Variants in UGT2A1 observed in about 807,000 individuals in gnomAD.
UGT2A1 encodes the protein UDP-glucuronosyltransferase 2A1.
UGT2A1 carries 61 observed loss-of-function variants against 45.4 expected under a neutral mutation model. The ratio of observed to expected loss-of-function variants is 1.34; its 90% confidence interval spans 1.09 to 1.66. The LOEUF is 1.66. Among genes scored for constraint, UGT2A1 ranks in the 40% most tolerant of loss-of-function variants. The pLI is 0.00. For missense variants in UGT2A1, 649 were observed against 574.3 expected (o/e 1.13, Z -1.33); for synonymous variants, 229 against 196.2 (o/e 1.17, Z -1.40).
At chr4:69,599,438 T>G (rs773567924) in intron 3 of UGT2A1, 44 bp from the exon 4 acceptor site, 3 of 1,597,806 alleles carry the variant, frequency 1.9e-6, no homozygotes, top group Non-Finnish European at 2.6e-6. Flanking sequence ...TTAGCTTATA[T>G]GTTTGCTGAG....
chr4:69,645,728 A>G (rs1457247894), intron 2 of UGT2A1, among the ~76,000 whole-genome samples: 1 of 151,786 alleles, frequency 6.6e-6, no homozygotes, highest in Non-Finnish European at 1.5e-5. Flanking sequence ...ATTAGATTAA[A>G]ATGTTTTTAG....
At chr4:69,625,813 T>C (rs184280193) in intron 3 of UGT2A1, among the ~76,000 whole-genome samples, 1 of 151,598 alleles carries the variant, frequency 6.6e-6, no homozygotes, top group East Asian at 1.9e-4. Context: ...TAAACAAATA[T>C]TAAAATTAAT....
intron 3 of UGT2A1, among the ~76,000 whole-genome samples, chr4:69,601,066 C>T (rs539382709): frequency 1.6e-3 from 250 of 152,176 alleles, no homozygotes; most frequent in African/African-American, 5.8e-3. Context: ...ATCCAGTTAC[C>T]TGATGCTAGT....
chr4:69,650,451 C>A (rs1187304725), intron 1 of UGT2A1, among the ~76,000 whole-genome samples: 1 of 151,854 alleles, frequency 6.6e-6, no homozygotes, highest in Non-Finnish European at 1.5e-5. Flanking sequence ...CCAAAGAATC[C>A]TAGCTTCACA....
intron 6 of UGT2A1, among the ~76,000 whole-genome samples, chr4:69,591,214 C>T (rs1260448061): frequency 6.6e-6 from 1 of 152,102 alleles, no homozygotes; most frequent in African/African-American, 2.4e-5. Flanking sequence ...TGATAAAGCC[C>T]TCAGGAAGTC....
chr4:69,624,081 C>T (rs567393808), intron 3 of UGT2A1, among the ~76,000 whole-genome samples: 94 of 151,374 alleles, frequency 6.2e-4, no homozygotes, highest in Admixed American at 1.1e-3. Context: ...GAGAGAGGAC[C>T]ATCATAATCT....
chr4:69,618,709 A>C (rs1448675162), intron 3 of UGT2A1, among the ~76,000 whole-genome samples: 17 of 152,008 alleles, frequency 1.1e-4, no homozygotes, highest in Admixed American at 1.1e-3. Flanking sequence ...TTCTAAGTTC[A>C]ATCAATTCTA....
intron 3 of UGT2A1, among the ~76,000 whole-genome samples, chr4:69,626,839 C>T (rs1721087973): frequency 6.6e-6 from 1 of 151,640 alleles, no homozygotes; most frequent in Non-Finnish European, 1.5e-5. Flanking sequence ...TTTTGCTTCT[C>T]AAATTGTCCC....
chr4:69,651,773 T>G (rs886287883), intron 1 of UGT2A1, among the ~76,000 whole-genome samples: 2 of 152,142 alleles, frequency 1.3e-5, no homozygotes, highest in Non-Finnish European at 2.9e-5. Context: ...AATGTTGAAG[T>G]GTGACCATCC....
chr4:69,647,702 T>C lies in UGT2A1; in HGVS notation c.-54-4A>G. 1 of 1,249,238 alleles carries C rather than the reference T, an allele frequency of 8.0e-7. No individual in the cohort carries two copies. The highest frequency in any genetic ancestry group is 1.1e-6 in the Non-Finnish European group (1 of 923,840). 77.4% of individuals were successfully genotyped at this position (1,249,238 alleles called of 1,614,324 possible). A position where few individuals can be genotyped will look rare whatever the true frequency, so the allele number is the denominator to read the frequency against. On this transcript the variant is annotated splice_polypyrimidine_tract_variant and splice_region_variant and intron_variant, in intron 1 of 6. Transcript: ENST00000286604. ...GTGAAGCAAATGTTTTTCTCTGCTTTTAAAGAAAAAAAGGAAAGACAAAAT... is the reference window on the plus strand; with the variant it reads ...GTGAAGCAAATGTTTTTCTCTGCTTCTAAAGAAAAAAAGGAAAGACAAAAT...
At position 69,606,041 on chromosome 4, in the gene UGT2A1, G is replaced by A. The variant is rs1719589640; in HGVS notation, c.848-6647C>T. Among the ~76,000 whole-genome samples the A allele has an allele frequency of 1.5e-5, 2 of 136,686 alleles. 1 individual carries two copies. Among genetic ancestry groups the A allele is most frequent in the Non-Finnish European group, 3.1e-5 (2 of 64,282 alleles). The allele number at this position is 136,686 out of a possible 152,430, so 89.7% of individuals were successfully genotyped here. A position where few individuals can be genotyped will look rare whatever the true frequency, so the allele number is the denominator to read the frequency against. On this transcript the variant is annotated intron_variant, in intron 3 of 6. Transcript: ENST00000286604. ...CCTTCTGAAACTATTCCAAGCAATA[G>A]AAAAAGAGGGAATCCTCCTTAAATC...
At chr4:69,644,930 T>C (rs4148283) in intron 2 of UGT2A1, among the ~76,000 whole-genome samples, 6,509 of 151,910 alleles carry the variant, frequency 0.043, 156 homozygotes, top group Middle Eastern at 0.072. Flanking sequence ...CAGAGATCTG[T>C]AGAAAAGAAG....
chr4:69,617,510 C>T (rs1400232718), intron 3 of UGT2A1, among the ~76,000 whole-genome samples: 1 of 151,832 alleles, frequency 6.6e-6, no homozygotes, highest in Non-Finnish European at 1.5e-5. Flanking sequence ...ACACACACAA[C>T]ATATTTAATA....
chr4:69,628,685 A>T (rs1721223730), intron 3 of UGT2A1, among the ~76,000 whole-genome samples: 1 of 150,148 alleles, frequency 6.7e-6, no homozygotes, highest in South Asian at 2.1e-4. Context: ...AAATGGGAGA[A>T]AAAAATAAAA....
intron 6 of UGT2A1, among the ~76,000 whole-genome samples, chr4:69,593,313 G>GA (rs4148320): frequency 6.6e-6 from 1 of 151,588 alleles, no homozygotes; most frequent in East Asian, 1.9e-4. Flanking sequence ...GTAAATGTGA[G>GA]AAAAAAATGA....
chr4:69,648,804 C>T (rs1722394469), intron 1 of UGT2A1, among the ~76,000 whole-genome samples: 1 of 151,886 alleles, frequency 6.6e-6, no homozygotes, highest in East Asian at 1.9e-4. Context: ...GCACTTGAAC[C>T]CCTAAATCTA....
chr4:69,633,803 G>A (rs1721517689), intron 3 of UGT2A1, among the ~76,000 whole-genome samples: 1 of 152,150 alleles, frequency 6.6e-6, no homozygotes, highest in Non-Finnish European at 1.5e-5. Flanking sequence ...GAGTTGTGGG[G>A]ACTGATAAGC....
chr4:69,652,919 T>C (rs1359531135), intron 1 of UGT2A1, among the ~76,000 whole-genome samples: 2 of 152,208 alleles, frequency 1.3e-5, no homozygotes, highest in Non-Finnish European at 2.9e-5. Flanking sequence ...AAAGAGGACT[T>C]TGAGTTCACA....
intron 2 of UGT2A1, among the ~76,000 whole-genome samples, chr4:69,644,908 G>A (rs920424556): frequency 1.3e-5 from 2 of 151,758 alleles, no homozygotes; most frequent in Non-Finnish European, 2.9e-5. Flanking sequence ...CAACTTTACA[G>A]TTGTTTTAGA....
Sources: gnomAD v4.1 joint callset for allele counts (sites outside exome capture counted in the v4.1 genomes callset) on GRCh38, gnomAD v4.1.1 for gene constraint, MANE v1.5 for transcripts, NCBI Gene and HGNC (gene_info 2026-07-23, HGNC 2026-07-21) for gene names.